Variants in HOMER3 observed in about 807,000 individuals in gnomAD.
The protein encoded by HOMER3 is homer protein homolog 3.
In HOMER3, 34 loss-of-function variants were observed where a neutral mutation model predicts 45.5. The observed-to-expected ratio is 0.75, with a 90% CI of 0.57 to 1.00. HOMER3 has a LOEUF of 1.00. Ranked by LOEUF, HOMER3 falls within the 50% of genes least tolerant of loss-of-function variation. The pLI is 0.00. For synonymous variants in HOMER3, 223 were observed against 208.8 expected (o/e 1.07, Z -0.58); for missense variants, 480 against 497.5 (o/e 0.96, Z 0.33).
intron 9 of HOMER3, 93 bp from the exon 10 acceptor site, chr19:18,929,727 C>T: frequency 9.1e-7 from 1 of 1,097,610 alleles, no homozygotes; most frequent in Non-Finnish European, 1.3e-6. Flanking sequence ...TGTCCCTCTT[C>T]TGCCCAGAGC....
Position 18,934,321 on chromosome 19 carries a change from CA to C in HOMER3, c.392del (p.Leu131ArgfsTer41). On this transcript the variant is annotated frameshift_variant, in exon 5 of 10. Coordinates refer to ENST00000392351, the MANE Select transcript of HOMER3 (RefSeq NM_004838.4). LOFTEE classifies it high-confidence loss of function. ...TGCTGACCTGGTGGGAGGCGAGCCCCAGGGCTGGACTGGTGAGCTCCCCGCC... is the reference window on the plus strand; with the variant it reads ...TGCTGACCTGGTGGGAGGCGAGCCCCGGGCTGGACTGGTGAGCTCCCCGCC... The part of the protein sequence containing the change: ...QDGGELTSPA[L>X]GLASHQVPPS... The C allele has an allele frequency of 6.5e-7, 1 of 1,546,414 alleles. No homozygotes were observed. Among genetic ancestry groups the C allele is most frequent in the Non-Finnish European group, 8.7e-7 (1 of 1,145,908 alleles).
intron 4 of HOMER3, 110 bp downstream of exon 4, chr19:18,938,243 T>C (rs547679592): frequency 1.4e-5 from 17 of 1,215,996 alleles, no homozygotes; most frequent in Non-Finnish European, 1.8e-5. Context: ...TACAATCCCA[T>C]CCTGCAGATG....
At chr19:18,937,979 G>C (rs192086740) in intron 4 of HOMER3, among the ~76,000 whole-genome samples, 1 of 151,960 alleles carries the variant, frequency 6.6e-6, no homozygotes, top group Admixed American at 6.6e-5. Flanking sequence ...ATCATTTCAG[G>C]TCAGGAGTTC....
In HOMER3 at chr19:18,932,732, G is replaced by A. The variant is rs564990868; in HGVS notation, c.533+192C>T. Among the ~76,000 whole-genome samples, 13 of 151,918 alleles carry A rather than the reference G, an allele frequency of 8.6e-5. No homozygotes were observed. In the South Asian group the frequency reaches 2.7e-3, roughly 32 times the overall value. ...GACAGGGATGGGGTCAAAACAGAGG[G>A]GCGTGGCCAACGCAGGGTAGGGGCG... On this transcript the variant is annotated intron_variant, in intron 6 of 9. Coordinates refer to ENST00000392351, the MANE Select transcript of HOMER3 (RefSeq NM_004838.4).
chr19:18,934,257 G>T, intron 5 of HOMER3, 46 bp downstream of exon 5: 1 of 1,169,144 alleles, frequency 8.6e-7, no homozygotes, highest in Non-Finnish European at 1.2e-6. Flanking sequence ...GCGCCTGGCT[G>T]ACTCACAGGT....
chr19:18,939,014 G>A lies in HOMER3; in HGVS notation c.-32C>T. 1 of 1,550,894 alleles carries A rather than the reference G, an allele frequency of 6.4e-7. No individual in the cohort carries two copies. Among genetic ancestry groups the A allele is most frequent in the Non-Finnish European group, 8.7e-7 (1 of 1,149,238 alleles). On this transcript the variant is annotated 5_prime_UTR_variant, in exon 2 of 10. Coordinates refer to ENST00000392351, the MANE Select transcript of HOMER3 (RefSeq NM_004838.4). ...GGCTGGGATGGGCAGGCTCTAGGGGGCAGCCAGAGAGGTGGCAGGAGCACT... is the reference window on the plus strand; with the variant it reads ...GGCTGGGATGGGCAGGCTCTAGGGGACAGCCAGAGAGGTGGCAGGAGCACT...
At chr19:18,936,291 G>A (rs2057091558) in intron 4 of HOMER3, among the ~76,000 whole-genome samples, 1 of 144,542 alleles carries the variant, frequency 6.9e-6, no homozygotes, top group Non-Finnish European at 1.5e-5. Flanking sequence ...CCAGCCTGGG[G>A]GACAAGAGTG....
Position 18,929,242 on chromosome 19 carries a change from A to G in HOMER3, c.*201T>C, listed in dbSNP as rs1424120117. Reference sequence around the variant, plus strand: ...TAATCGGGGGATCTAGAAATTCTACACAATGAGAAGCTCAAAAACAGCCCC... The same window carrying G: ...TAATCGGGGGATCTAGAAATTCTACGCAATGAGAAGCTCAAAAACAGCCCC... On this transcript the variant is annotated 3_prime_UTR_variant, in exon 10 of 10. Transcript: ENST00000392351. 2.6e-6 allele frequency: 2 copies of G among 766,348 alleles called. No homozygotes were observed. Among genetic ancestry groups the G allele is most frequent in the South Asian group, 2.7e-5 (2 of 73,824 alleles). 47.5% of individuals were successfully genotyped at this position (766,348 alleles called of 1,614,324 possible). A position where few individuals can be genotyped will look rare whatever the true frequency, so the allele number is the denominator to read the frequency against.
chr19:18,932,899 CA>C, intron 6 of HOMER3, 24 bp downstream of exon 6: 18 of 1,301,190 alleles, frequency 1.4e-5, no homozygotes, highest in South Asian at 2.0e-5. Flanking sequence ...CCGCCCCTGC[CA>C]CGCCCCCAAG....
At chr19:18,931,762 C>T (rs2057035430) in intron 7 of HOMER3, 137 bp from the exon 8 acceptor site, 1 of 1,474,704 alleles carries the variant, frequency 6.8e-7, no homozygotes, top group Non-Finnish European at 8.9e-7. Context: ...CCACCACCCC[C>T]CTCTGCACAG....
intron 6 of HOMER3, 150 bp downstream of exon 6, chr19:18,932,774 G>C: frequency 1.7e-6 from 1 of 588,708 alleles, no homozygotes; most frequent in Non-Finnish European, 2.7e-6. Context: ...GCTCTGGATG[G>C]GGCAGCATTC....
chr19:18,936,640 T>TG (rs1401981685), intron 4 of HOMER3, among the ~76,000 whole-genome samples: 25 of 147,270 alleles, frequency 1.7e-4, no homozygotes, highest in Middle Eastern at 3.7e-3. Context: ...CACTCCAGCC[T>TG]GGCAACAGAG....
intron 7 of HOMER3, 140 bp from the exon 8 acceptor site, chr19:18,931,765 C>T: frequency 6.8e-7 from 1 of 1,476,474 alleles, no homozygotes; most frequent in Non-Finnish European, 8.9e-7. Context: ...CCACCCCCCT[C>T]TGCACAGCTT....
chr19:18,938,319 C>G lies in HOMER3; in HGVS notation c.303+34G>C, dbSNP rs533654753. On this transcript the variant is annotated intron_variant, in intron 4 of 9. Transcript: ENST00000392351. ...GGAGAAGACTTGGGCCCAGTCTCATCGGTTCCCTCCACTCTCCCCCTCACC... is the reference window on the plus strand; with the variant it reads ...GGAGAAGACTTGGGCCCAGTCTCATGGGTTCCCTCCACTCTCCCCCTCACC... 4 of 1,585,134 alleles carry G rather than the reference C, an allele frequency of 2.5e-6. No individual in the cohort carries two copies. The Admixed American group carries it at 5.1e-5, about 20-fold the overall frequency.
chr19:18,932,878 C>CCCCCCAA, intron 6 of HOMER3, 46 bp downstream of exon 6: 13 of 772,986 alleles, frequency 1.7e-5, no homozygotes, highest in Admixed American at 4.3e-5. Flanking sequence ...CCTCGTCCCC[C>CCCCCCAA]ACCCCTACCC....
intron 5 of HOMER3, among the ~76,000 whole-genome samples, chr19:18,933,446 G>A (rs931535134): frequency 3.9e-5 from 6 of 152,168 alleles, no homozygotes; most frequent in Non-Finnish European, 8.8e-5. Flanking sequence ...GGCCGAATTC[G>A]TGTTTCGTGA....
chr19:18,930,112 T>C (rs983084008), intron 9 of HOMER3, among the ~76,000 whole-genome samples: 3 of 151,788 alleles, frequency 2.0e-5, no homozygotes, highest in Non-Finnish European at 4.4e-5. Flanking sequence ...TAGCTGGGCA[T>C]GGTGGTGCAC....
In HOMER3 at chr19:18,929,639, C is replaced by T. The variant is rs2057008441; in HGVS notation, c.895-5G>A. The stretch of plus-strand genomic sequence containing the variant: ...CGCATTGCGGGTCTCCAGGTCCTGC[C>T]AGGAAAGGGTGGGCAGGGTTGGGGG... On this transcript the variant is annotated splice_region_variant and splice_polypyrimidine_tract_variant and intron_variant, in intron 9 of 9. Transcript: ENST00000392351. 39 of 1,501,384 alleles carry T rather than the reference C, an allele frequency of 2.6e-5. No individual in the cohort carries two copies. The highest frequency in any genetic ancestry group is 3.2e-5 in the Non-Finnish European group (36 of 1,120,308). 93.0% of individuals were successfully genotyped at this position (1,501,384 alleles called of 1,614,324 possible). A position where few individuals can be genotyped will look rare whatever the true frequency, so the allele number is the denominator to read the frequency against.
chr19:18,932,901 C>A, intron 6 of HOMER3, 23 bp downstream of exon 6: 1 of 1,305,012 alleles, frequency 7.7e-7, no homozygotes, highest in African/African-American at 1.5e-5. Context: ...GCCCCTGCCA[C>A]GCCCCCAAGT....
Sources: allele counts gnomAD v4.1 joint callset (sites outside exome capture counted in the v4.1 genomes callset), GRCh38; gene constraint gnomAD v4.1.1; transcripts MANE v1.5; gene names NCBI Gene and HGNC (gene_info 2026-07-23, HGNC 2026-07-21).